DHRSX: variants seen among roughly 807,000 people sequenced by gnomAD.
The protein encoded by DHRSX is polyprenol dehydrogenase.
DHRSX carries 31 observed loss-of-function variants against 34.0 expected under a neutral mutation model. The observed-to-expected ratio is 0.91, with a 90% CI of 0.69 to 1.23. DHRSX has a LOEUF of 1.23. DHRSX is among the 50% of genes most tolerant of loss of function. The probability of loss-of-function intolerance (pLI) is 0.00; values close to 1 mark genes in which losing one functional copy is unlikely to be tolerated. For synonymous variants in DHRSX, 201 were observed against 183.8 expected, an observed-to-expected ratio of 1.09 and a Z score of -0.76; for missense variants, 414 against 428.1, an observed-to-expected ratio of 0.97 and a Z score of 0.29.
Position 2,231,661 on chromosome X carries a change from CT to C in DHRSX, c.805-10433del, listed in dbSNP as rs764927677. Among the ~76,000 whole-genome samples, 8 of 139,534 alleles carry C rather than the reference CT, an allele frequency of 5.7e-5. No homozygotes were observed. In the South Asian group the frequency reaches 1.3e-3, roughly 23 times the overall value. 91.5% of individuals were successfully genotyped at this position (139,534 alleles called of 152,430 possible). On this transcript the variant is annotated intron_variant, in intron 6 of 6. Coordinates refer to ENST00000334651, the MANE Select transcript of DHRSX (RefSeq NM_145177.3). ...TTCTCTTCTCTCTCTGCCTTTTCTT[CT>C]TTTTTTCTTTCTCCTCTTTTCTCTT...
intron 5 of DHRSX, among the ~76,000 whole-genome samples, chrX:2,248,239 T>C (rs928440662): frequency 7.9e-5 from 12 of 151,828 alleles, no homozygotes; most frequent in Admixed American, 3.9e-4. Context: ...CGAGACTATC[T>C]TGGCTAATAC....
At chrX:2,446,690 C>A (rs1214544776) in intron 1 of DHRSX, among the ~76,000 whole-genome samples, 2 of 151,918 alleles carry the variant, frequency 1.3e-5, no homozygotes, top group Admixed American at 1.3e-4. Flanking sequence ...AAGGGACCAC[C>A]GCCATGTACT....
intron 4 of DHRSX, among the ~76,000 whole-genome samples, chrX:2,269,421 G>C (rs2041519502): frequency 6.6e-6 from 1 of 152,058 alleles, no homozygotes; most frequent in Non-Finnish European, 1.5e-5. Flanking sequence ...ACATATATAG[G>C]CCTAGCATTT....
chrX:2,363,285 G>A (rs1306425725), intron 3 of DHRSX, among the ~76,000 whole-genome samples: 1 of 127,756 alleles, frequency 7.8e-6, no homozygotes, highest in East Asian at 2.5e-4. Context: ...ACCGTTCTAT[G>A]GTATCATGCC....
chrX:2,483,512 G>A (rs1198553108), intron 1 of DHRSX, among the ~76,000 whole-genome samples: 2 of 151,930 alleles, frequency 1.3e-5, no homozygotes, highest in South Asian at 2.1e-4. Context: ...CAAGCGATCC[G>A]CCTGCCTCGG....
chrX:2,399,742 A>C (rs2043462908), intron 3 of DHRSX, among the ~76,000 whole-genome samples: 1 of 98,338 alleles, frequency 1.0e-5, no homozygotes, highest in Non-Finnish European at 1.9e-5. Context: ...AAAAAAAAAA[A>C]CAAAAAAACA....
intron 2 of DHRSX, among the ~76,000 whole-genome samples, chrX:2,417,367 C>T (rs2043708178): frequency 6.6e-6 from 1 of 152,202 alleles, no homozygotes. Context: ...CCAAACCACA[C>T]ATCATCATGA....
intron 3 of DHRSX, among the ~76,000 whole-genome samples, chrX:2,401,102 G>A (rs1344344444): frequency 7.7e-6 from 1 of 130,470 alleles, no homozygotes; most frequent in African/African-American, 3.0e-5. Context: ...AATAATATTT[G>A]GGAAGCTTTT....
chrX:2,467,491 C>T (rs1225618215), intron 1 of DHRSX, among the ~76,000 whole-genome samples: 1 of 152,018 alleles, frequency 6.6e-6, no homozygotes, highest in South Asian at 2.1e-4. Context: ...ACAGGGACAA[C>T]GTGCGGCACA....
chrX:2,292,005 G>A (rs900038520), intron 3 of DHRSX, among the ~76,000 whole-genome samples: 4 of 150,278 alleles, frequency 2.7e-5, no homozygotes, highest in Admixed American at 6.7e-5. Flanking sequence ...CTCCCAAAGT[G>A]CTGGGATTAC....
chrX:2,477,280 C>G (rs7061083), intron 1 of DHRSX, among the ~76,000 whole-genome samples: 28,873 of 150,120 alleles, frequency 0.19, 2,854 homozygotes, highest in African/African-American at 0.36. Context: ...TCCATGGCAC[C>G]TAGCTCTAGC....
chrX:2,248,066 G>C (rs1190145389), intron 5 of DHRSX, among the ~76,000 whole-genome samples: 1 of 152,270 alleles, frequency 6.6e-6, no homozygotes, highest in Admixed American at 6.5e-5. Context: ...GGGAGGCCAA[G>C]GCAGGTGGAT....
intron 3 of DHRSX, among the ~76,000 whole-genome samples, chrX:2,347,344 C>A (rs1489375700): frequency 2.0e-5 from 3 of 152,156 alleles, no homozygotes; most frequent in African/African-American, 7.2e-5. Context: ...CAAAGACCTG[C>A]CCCCATGATT....
At chrX:2,491,283 T>G (rs1390182824) in intron 1 of DHRSX, among the ~76,000 whole-genome samples, 1 of 152,166 alleles carries the variant, frequency 6.6e-6, no homozygotes, top group Non-Finnish European at 1.5e-5. Flanking sequence ...TTGGTCAGGC[T>G]GGTCTCGAAC....
Position 2,318,191 on chromosome X carries a change from A to AG in DHRSX, c.287-26589dup, listed in dbSNP as rs1337104990. Reference sequence around the variant, plus strand: ...GAAACCTCGTGTCTACCAAAAATACAGAAAAAAAAAAAAAAAAAAGCAGCT... The same window carrying AG: ...GAAACCTCGTGTCTACCAAAAATACAGGAAAAAAAAAAAAAAAAAAGCAGCT... On this transcript the variant is annotated intron_variant, in intron 3 of 6. Coordinates refer to ENST00000334651, the MANE Select transcript of DHRSX (RefSeq NM_145177.3). Among the ~76,000 whole-genome samples, 12 of 84,982 alleles carry AG rather than the reference A, an allele frequency of 1.4e-4. No homozygotes were observed. In the East Asian group the frequency reaches 1.5e-3, roughly 10 times the overall value. 55.8% of individuals were successfully genotyped at this position (84,982 alleles called of 152,430 possible).
intron 5 of DHRSX, among the ~76,000 whole-genome samples, chrX:2,257,764 T>G (rs1414863350): frequency 1.3e-5 from 2 of 152,150 alleles, no homozygotes. Context: ...TAGCTGGGGT[T>G]ATAGGCACCT....
intron 3 of DHRSX, among the ~76,000 whole-genome samples, chrX:2,312,508 A>G (rs779917007): frequency 2.6e-5 from 4 of 152,032 alleles, no homozygotes; most frequent in African/African-American, 9.6e-5. Context: ...TTCACTCATA[A>G]GGGGGAGTTG....
Position 2,349,649 on chromosome X carries a change from T to C in DHRSX, c.287-58046A>G, listed in dbSNP as rs1429945478. On this transcript the variant is annotated intron_variant, in intron 3 of 6. Transcript: ENST00000334651. ...TTGCAGTGAGCTGAGATCACGCCACTGCACTCCAGACTGGGCGACAGAGTG... is the reference window on the plus strand; with the variant it reads ...TTGCAGTGAGCTGAGATCACGCCACCGCACTCCAGACTGGGCGACAGAGTG... 3.3e-5 allele frequency among the ~76,000 whole-genome samples: 5 copies of C among 151,804 alleles called. No individual in the cohort carries two copies. The East Asian group carries it at 7.8e-4, about 24-fold the overall frequency.
rs190577444 is a variant in DHRSX, at chrX:2,485,899, G to C, written c.109+14918C>G. On this transcript the variant is annotated intron_variant, in intron 1 of 6. Transcript: ENST00000334651. ...AGGAAGGGAGAGAAGAAGAGACAAG[G>C]ATGGGAGGGAAGGAAGGAAGGAAAG... Among the ~76,000 whole-genome samples, 56 of 148,664 alleles carry C rather than the reference G, an allele frequency of 3.8e-4. 1 individual carries two copies. Among genetic ancestry groups the C allele is most frequent in the African/African-American group, 1.4e-3 (55 of 39,376 alleles).
Sources: gnomAD v4.1 joint callset for allele counts (sites outside exome capture counted in the v4.1 genomes callset) on GRCh38, gnomAD v4.1.1 for gene constraint, MANE v1.5 for transcripts, NCBI Gene and HGNC (gene_info 2026-07-23, HGNC 2026-07-21) for gene names.